Variants in SPDYE4 observed in about 807,000 individuals in gnomAD.
The protein encoded by SPDYE4 is speedy/RINGO cell cycle regulator family member E4.
SPDYE4 carries 30 observed loss-of-function variants against 37.5 expected under a neutral mutation model. The observed-to-expected ratio is 0.80, with a 90% CI of 0.60 to 1.09. The LOEUF (loss-of-function observed/expected upper bound fraction) is 1.09, where lower values mean the gene tolerates loss of function less well. Ranked by LOEUF, SPDYE4 falls within the 50% of genes least tolerant of loss-of-function variation. SPDYE4 has a pLI of 0.00. For missense variants in SPDYE4, 300 were observed against 307.9 expected (o/e 0.97, Z 0.19); for synonymous variants, 131 against 120.3 (o/e 1.09, Z -0.58).
intron 6 of SPDYE4, among the ~76,000 whole-genome samples, chr17:8,752,732 C>T (rs2086736980): frequency 6.6e-6 from 1 of 152,150 alleles, no homozygotes; most frequent in African/African-American, 2.4e-5. Context: ...ACCAAATCTT[C>T]ACTGAATCCT....
intron 5 of SPDYE4, 43 bp downstream of exon 5, chr17:8,753,278 C>CCCAAA: frequency 7.2e-7 from 1 of 1,390,898 alleles, no homozygotes; most frequent in Non-Finnish European, 9.8e-7. Context: ...TCCAGTCCAC[C>CCCAAA]CCATCCCTCC....
Position 8,753,301 on chromosome 17 carries a change from C to A in SPDYE4, c.654+20G>T. The A allele has an allele frequency of 6.4e-7, 1 of 1,558,340 alleles. No homozygotes were observed. The highest frequency in any genetic ancestry group is 1.4e-5 in the African/African-American group (1 of 74,008). ...ACCCCATCCCTCCCCACCCCCACCTCCTCATATGGCCCCACCTACCTCCTC... is the reference window on the plus strand; with the variant it reads ...ACCCCATCCCTCCCCACCCCCACCTACTCATATGGCCCCACCTACCTCCTC... On this transcript the variant is annotated intron_variant, in intron 5 of 6. Transcript: ENST00000689094.
chr17:8,748,915 TCA>T (rs1045891931), downstream of SPDYE4, among the ~76,000 whole-genome samples: 37 of 152,258 alleles, frequency 2.4e-4, no homozygotes, highest in Admixed American at 7.2e-4. Flanking sequence ...CAATAGCCAG[TCA>T]CACAGGCAGA....
At chr17:8,754,155 A>G (rs142669597) in intron 4 of SPDYE4, among the ~76,000 whole-genome samples, 1 of 152,380 alleles carries the variant, frequency 6.6e-6, no homozygotes, top group East Asian at 1.9e-4. Flanking sequence ...TTTGTTGAAT[A>G]AATGAATACA....
In SPDYE4 at chr17:8,753,132, G is replaced by T; in HGVS notation, c.*6C>A. ...GATGACCTCAGGCCTCCATGTCCCC[G>T]GAGCTCTAGGAAATGAGGGTGCGAT... On this transcript the variant is annotated 3_prime_UTR_variant, in exon 6 of 7. Coordinates refer to ENST00000689094, the MANE Select transcript of SPDYE4 (RefSeq NM_001394956.1). 1 of 1,613,958 alleles carries T rather than the reference G, an allele frequency of 6.2e-7. No individual in the cohort carries two copies. The highest frequency in any genetic ancestry group is 8.5e-7 in the Non-Finnish European group (1 of 1,179,984).
chr17:8,757,617 C>T, intron 1 of SPDYE4, 125 bp from the exon 2 acceptor site: 1 of 973,588 alleles, frequency 1.0e-6, no homozygotes, highest in Non-Finnish European at 1.5e-6. Flanking sequence ...CTTCTCCAAG[C>T]CATGTTTCCA....
chr17:8,755,838 A>G (rs927951535), intron 3 of SPDYE4, among the ~76,000 whole-genome samples: 2 of 152,090 alleles, frequency 1.3e-5, no homozygotes, highest in Non-Finnish European at 2.9e-5. Flanking sequence ...GATGAGCTCC[A>G]GTGGGATCAC....
In SPDYE4 at chr17:8,753,426, G is replaced by A; in HGVS notation, c.549C>T (p.Leu183=). ...QAPKQDIFSF[L]YGKNYSQRPL... is the part of the protein sequence containing the mutation. ...GTCGCTGGGAGTAGTTCTTCCCGTAGAGGAAGGAGAAGATGTCTTGTTTCG... is the reference window on the plus strand; with the variant it reads ...GTCGCTGGGAGTAGTTCTTCCCGTAAAGGAAGGAGAAGATGTCTTGTTTCG... The change falls in exon 5 of 7, where the codon CTC becomes CTT. Residue 183 remains leucine, a synonymous_variant. Transcript: ENST00000689094. 1 of 1,610,024 alleles carries A rather than the reference G, an allele frequency of 6.2e-7. No homozygotes were observed.
At chr17:8,757,766 GCTCT>G (rs61587336) in intron 1 of SPDYE4, among the ~76,000 whole-genome samples, 40,803 of 143,260 alleles carry the variant, frequency 0.28, 5,675 homozygotes, top group Non-Finnish European at 0.33. Flanking sequence ...AGCTCTGTCT[GCTCT>G]CTCTCTCTCT....
In SPDYE4 at chr17:8,757,422, T is replaced by C. The variant is rs763777810; in HGVS notation, c.180A>G (p.Glu60=). 2.5e-6 allele frequency: 4 copies of C among 1,594,484 alleles called. No homozygotes were observed. The highest frequency in any genetic ancestry group is 3.4e-6 in the Non-Finnish European group (4 of 1,170,212). Residue 60 remains glutamate (E), a synonymous_variant, in exon 2 of 7, where the codon GAA becomes GAG. Coordinates refer to ENST00000689094, the MANE Select transcript of SPDYE4 (RefSeq NM_001394956.1). ...GCTCCTCCTCCAGCTCCTCCTCGGATTCGTCTGACCATTCGCTCTTCCTTT... is the reference window on the plus strand; with the variant it reads ...GCTCCTCCTCCAGCTCCTCCTCGGACTCGTCTGACCATTCGCTCTTCCTTT... The part of the protein sequence containing the change: ...GLKRKSEWSD[E]SEEELEEELE...
intron 4 of SPDYE4, among the ~76,000 whole-genome samples, chr17:8,754,705 C>T (rs762429827): frequency 9.2e-5 from 14 of 152,196 alleles, no homozygotes; most frequent in Non-Finnish European, 1.8e-4. Flanking sequence ...TAGGATGTCA[C>T]TAAAGTGCTG....
Position 8,758,456 on chromosome 17 carries a change from C to T in SPDYE4, c.-74G>A, listed in dbSNP as rs569159794. On this transcript the variant is annotated 5_prime_UTR_variant, in exon 1 of 7. Transcript: ENST00000689094. The stretch of plus-strand genomic sequence containing the variant: ...CTGTCCAAAGCCTTCTTCCAGACTC[C>T]GTTAGGACCCAGAAGAGTGCGTTTC... 14 of 1,355,102 alleles carry T rather than the reference C, an allele frequency of 1.0e-5. No individual in the cohort carries two copies. Among genetic ancestry groups the T allele is most frequent in the African/African-American group, 2.9e-5 (2 of 69,346 alleles). The allele number at this position is 1,355,102 out of a possible 1,614,324, so 83.9% of individuals were successfully genotyped here. A position where few individuals can be genotyped will look rare whatever the true frequency, so the allele number is the denominator to read the frequency against.
Position 8,753,369 on chromosome 17 carries a change from G to C in SPDYE4, c.606C>G (p.Leu202=). ...PLFHKLRYQL[L]CSMRWRTWVS... ...CCCACGTCCTCCAGCGCATGGAACA[G>C]AGGAGCTGGTATCGAAGCTTATGGA... Residue 202 remains leucine (L), a synonymous_variant, in exon 5 of 7, where the codon CTC becomes CTG. Coordinates refer to ENST00000689094, the MANE Select transcript of SPDYE4 (RefSeq NM_001394956.1). 1 of 1,559,296 alleles carries C rather than the reference G, an allele frequency of 6.4e-7. No homozygotes were observed. The highest frequency in any genetic ancestry group is 8.7e-7 in the Non-Finnish European group (1 of 1,149,586).
chr17:8,755,326 A>G (rs2086762682), intron 4 of SPDYE4, 194 bp downstream of exon 4: 1 of 704,436 alleles, frequency 1.4e-6, no homozygotes, highest in East Asian at 3.1e-5. Context: ...GTTTGATTCT[A>G]CTATTTGTCA....
chr17:8,753,446 G>T lies in SPDYE4; in HGVS notation c.529C>A (p.Gln177Lys). 1 of 1,612,956 alleles carries T rather than the reference G, an allele frequency of 6.2e-7. No homozygotes were observed. Among genetic ancestry groups the T allele is most frequent in the Non-Finnish European group, 8.5e-7 (1 of 1,179,484 alleles). The change falls in exon 5 of 7, where the codon CAA becomes AAA. Residue 177 changes from glutamine to lysine, a missense_variant. By Grantham distance (53) the Gln-to-Lys change is moderately conservative (BLOSUM62 1). Transcript: ENST00000689094. Reference sequence around the variant, plus strand: ...CCGTAGAGGAAGGAGAAGATGTCTTGTTTCGGGGCCTGGTTGTCCTCCTCC... The same window carrying T: ...CCGTAGAGGAAGGAGAAGATGTCTTTTTTCGGGGCCTGGTTGTCCTCCTCC... ...DMEEDNQAPKQDIFSFLYGKN... is the reference protein window; with the variant it reads ...DMEEDNQAPKKDIFSFLYGKN...
At position 8,751,200 on chromosome 17, in the gene SPDYE4, A is replaced by T. The variant is rs1292319493; in HGVS notation, c.*1082T>A. Reference sequence around the variant, plus strand: ...ATTTAAAAATAAAACATTTAGGATAAAAAGAATCCTCTCTTAAAAATGAAA... The same window carrying T: ...ATTTAAAAATAAAACATTTAGGATATAAAGAATCCTCTCTTAAAAATGAAA... On this transcript the variant is annotated 3_prime_UTR_variant, in exon 7 of 7. Transcript: ENST00000689094. 6.6e-6 allele frequency among the ~76,000 whole-genome samples: 1 copy of T among 152,230 alleles called. No homozygotes were observed. Among genetic ancestry groups the T allele is most frequent in the Non-Finnish European group, 1.5e-5 (1 of 68,036 alleles).
intron 2 of SPDYE4, 101 bp from the exon 3 acceptor site, chr17:8,756,537 G>T: frequency 1.7e-6 from 2 of 1,187,708 alleles, no homozygotes; most frequent in Non-Finnish European, 2.5e-6. Context: ...GGAAGTCTCA[G>T]GATTGTGGCC....
chr17:8,753,381 TC>T lies in SPDYE4; in HGVS notation c.593del (p.Arg198HisfsTer74). 1 of 1,590,878 alleles carries T rather than the reference TC, an allele frequency of 6.3e-7. No individual in the cohort carries two copies. The highest frequency in any genetic ancestry group is 8.6e-7 in the Non-Finnish European group (1 of 1,168,658). ...YSQRPLFHKL[R>X]YQLLCSMRWR... is the part of the protein sequence containing the mutation. ...AGCGCATGGAACAGAGGAGCTGGTA[TC>T]GAAGCTTATGGAACAAGGGTCGCTG... On this transcript the variant is annotated frameshift_variant, in exon 5 of 7. Transcript: ENST00000689094. LOFTEE classifies it high-confidence loss of function.
chr17:8,756,094 C>T (rs2086769893), intron 3 of SPDYE4, among the ~76,000 whole-genome samples: 1 of 152,142 alleles, frequency 6.6e-6, no homozygotes, highest in Non-Finnish European at 1.5e-5. Flanking sequence ...TGACTCACGC[C>T]TGGAGTCCCA....
Sources: gnomAD v4.1 joint callset for allele counts (sites outside exome capture counted in the v4.1 genomes callset) on GRCh38, gnomAD v4.1.1 for gene constraint, MANE v1.5 for transcripts, NCBI Gene and HGNC (gene_info 2026-07-23, HGNC 2026-07-21) for gene names.